Variants in DEFB123 observed in about 807,000 individuals in gnomAD.
DEFB123 encodes the protein beta-defensin 123.
For missense variants in DEFB123, 71 were observed against 75.0 expected (o/e 0.95, Z 0.20); for synonymous variants, 22 against 28.3 (o/e 0.78, Z 0.71).
At chr20:31,444,551 G>C (rs959326297) in intron 1 of DEFB123, among the ~76,000 whole-genome samples, 4 of 152,196 alleles carry the variant, frequency 2.6e-5, no homozygotes, top group African/African-American at 4.8e-5. Flanking sequence ...AAATGTGTAA[G>C]TTATTGCTCA....
intron 1 of DEFB123, among the ~76,000 whole-genome samples, chr20:31,448,878 A>ATTTTTTTT (rs34804733): frequency 2.2e-4 from 26 of 119,940 alleles, no homozygotes; most frequent in South Asian, 2.7e-4. Context: ...CGCCCAGCTA[A>ATTTTTTTT]TTTTTTTTTT....
At chr20:31,446,752 C>T (rs1032430807) in intron 1 of DEFB123, among the ~76,000 whole-genome samples, 2 of 152,162 alleles carry the variant, frequency 1.3e-5, no homozygotes, top group African/African-American at 4.8e-5. Context: ...ACTGTACTTC[C>T]ATTTCACCTC....
chr20:31,443,100 C>A (rs1183456122), intron 1 of DEFB123, among the ~76,000 whole-genome samples: 1 of 152,130 alleles, frequency 6.6e-6, no homozygotes, highest in Non-Finnish European at 1.5e-5. Flanking sequence ...GGGATCACGA[C>A]CCTCGTTGGA....
At chr20:31,447,133 A>G (rs1322956964) in intron 1 of DEFB123, among the ~76,000 whole-genome samples, 1 of 151,814 alleles carries the variant, frequency 6.6e-6, no homozygotes, top group Non-Finnish European at 1.5e-5. Context: ...GTGGTGGCGC[A>G]TGCCTGTAAT....
In DEFB123 at chr20:31,450,144, C is replaced by G. The variant is rs778802003; in HGVS notation, c.174C>G (p.Tyr58Ter). The change falls in exon 2 of 2, where the codon TAC becomes TAG. Residue 58 changes from tyrosine to a stop codon, truncating the protein, a stop_gained. Coordinates refer to ENST00000376309, the MANE Select transcript of DEFB123 (RefSeq NM_153324.4). LOFTEE classifies it low-confidence loss of function (END_TRUNC). The stretch of plus-strand genomic sequence containing the variant: ...AAATGTGCTGCGTGAAGCCCAAGTA[C>G]CAGCCAAAAGAAAGGTGGTGGCCAT... ...NNKMCCVKPK[Y>*]QPKERWWPF 1.2e-6 allele frequency: 2 copies of G among 1,607,476 alleles called. No homozygotes were observed. Among genetic ancestry groups the G allele is most frequent in the African/African-American group, 2.7e-5 (2 of 74,298 alleles).
intron 1 of DEFB123, among the ~76,000 whole-genome samples, chr20:31,445,026 C>T (rs756850485): frequency 6.6e-6 from 1 of 152,214 alleles, no homozygotes; most frequent in Non-Finnish European, 1.5e-5. Context: ...ATCTTCATCC[C>T]TTTCTTATCT....
intron 1 of DEFB123, among the ~76,000 whole-genome samples, chr20:31,444,155 G>A (rs995427963): frequency 1.3e-4 from 20 of 152,092 alleles, no homozygotes; most frequent in Non-Finnish European, 2.5e-4. Flanking sequence ...AAAGGGGATT[G>A]AAATATGCAT....
rs754327929 is a variant in DEFB123 at position 31,440,691 on chromosome 20, C to A, written c.-8C>A. 6.2e-7 allele frequency: 1 copy of A among 1,613,602 alleles called. No individual in the cohort carries two copies. The highest frequency in any genetic ancestry group is 1.3e-5 in the African/African-American group (1 of 74,918). On this transcript the variant is annotated 5_prime_UTR_variant, in exon 1 of 2. Coordinates refer to ENST00000376309, the MANE Select transcript of DEFB123 (RefSeq NM_153324.4). ...GGACTTGCAGCTTCATTTTGGGCTG[C>A]CTTAGCCATGAAGCTCCTTTTGCTG...
Position 31,440,641 on chromosome 20 carries a change from C to T in DEFB123, c.-58C>T. The T allele has an allele frequency of 1.2e-6, 2 of 1,604,944 alleles. No homozygotes were observed. Among genetic ancestry groups the T allele is most frequent in the Non-Finnish European group, 1.7e-6 (2 of 1,173,638 alleles). ...GAGCCACAGGCCAGGCACTCTCCTTCTCCCATTAGCTCAGCCGTGGCATCG... is the reference window on the plus strand; with the variant it reads ...GAGCCACAGGCCAGGCACTCTCCTTTTCCCATTAGCTCAGCCGTGGCATCG... On this transcript the variant is annotated 5_prime_UTR_variant, in exon 1 of 2. Transcript: ENST00000376309.
At chr20:31,449,767 C>CA (rs59939526) in intron 1 of DEFB123, among the ~76,000 whole-genome samples, 2,117 of 52,166 alleles carry the variant, frequency 0.041, 134 homozygotes, top group East Asian at 0.14. Context: ...AGACTCATCT[C>CA]AAAAAAAAAA....
intron 1 of DEFB123, among the ~76,000 whole-genome samples, chr20:31,444,183 A>G (rs745403854): frequency 6.6e-6 from 1 of 152,144 alleles, no homozygotes; most frequent in Non-Finnish European, 1.5e-5. Flanking sequence ...ATATTTTCAA[A>G]ATATTGTCAT....
At chr20:31,443,972 G>A (rs1396712071) in intron 1 of DEFB123, among the ~76,000 whole-genome samples, 1 of 152,094 alleles carries the variant, frequency 6.6e-6, no homozygotes. Context: ...TTTGAAATTT[G>A]GAAATCCCTG....
intron 1 of DEFB123, among the ~76,000 whole-genome samples, chr20:31,447,877 C>A (rs1021917428): frequency 6.6e-6 from 1 of 150,434 alleles, no homozygotes; most frequent in East Asian, 1.9e-4. Flanking sequence ...AGCTCTGCCT[C>A]CCGGGTTCAC....
In DEFB123 at chr20:31,450,050, A is replaced by T; in HGVS notation, c.80A>T (p.Asn27Ile). 1 of 1,610,960 alleles carries T rather than the reference A, an allele frequency of 6.2e-7. No individual in the cohort carries two copies. Residue 27 changes from asparagine to isoleucine, a missense_variant, in exon 2 of 2, where the codon AAT becomes ATT. Physicochemically the swap from Asn to Ile is moderately radical, Grantham distance 149. Transcript: ENST00000376309. ...LTPGGTQRCW[N>I]LYGKCRYRCS... ...TCAGGTGGCACCCAAAGATGCTGGA[A>T]TCTTTATGGCAAATGCCGTTACAGA...
At chr20:31,444,530 G>A (rs1035945091) in intron 1 of DEFB123, among the ~76,000 whole-genome samples, 2 of 152,156 alleles carry the variant, frequency 1.3e-5, no homozygotes, top group Non-Finnish European at 1.5e-5. Flanking sequence ...TAAAGACTGT[G>A]TATAGTTTTA....
intron 1 of DEFB123, among the ~76,000 whole-genome samples, chr20:31,442,817 A>T (rs2122410558): frequency 6.6e-6 from 1 of 152,166 alleles, no homozygotes; most frequent in Admixed American, 6.5e-5. Context: ...CATGTTGCCC[A>T]GGCTGGTCTT....
At chr20:31,447,299 G>A (rs1161560750) in intron 1 of DEFB123, among the ~76,000 whole-genome samples, 1 of 151,914 alleles carries the variant, frequency 6.6e-6, no homozygotes, top group Non-Finnish European at 1.5e-5. Flanking sequence ...ATAAATAAAT[G>A]TTTAATTGAG....
intron 1 of DEFB123, among the ~76,000 whole-genome samples, chr20:31,446,134 T>C (rs532610616): frequency 1.3e-5 from 2 of 152,148 alleles, no homozygotes; most frequent in East Asian, 3.9e-4. Flanking sequence ...CTGTGGGTGG[T>C]TGGGGGCGCA....
chr20:31,447,780 C>CCT (rs1979626674), intron 1 of DEFB123, among the ~76,000 whole-genome samples: 1 of 64,470 alleles, frequency 1.6e-5, no homozygotes, highest in Non-Finnish European at 2.6e-5. Flanking sequence ...ACACACCCGG[C>CCT]TTTTTTTTTT....
Sources: allele counts gnomAD v4.1 joint callset (sites outside exome capture counted in the v4.1 genomes callset), GRCh38; gene constraint gnomAD v4.1.1; transcripts MANE v1.5; gene names NCBI Gene and HGNC (gene_info 2026-07-23, HGNC 2026-07-21).